Variants in PDE4D observed in about 807,000 individuals in gnomAD.
PDE4D encodes 3',5'-cyclic-AMP phosphodiesterase 4D.
PDE4D carries 24 observed loss-of-function variants against 87.4 expected under a neutral mutation model. That is an observed-to-expected ratio of 0.27 (90% CI 0.20 to 0.39). The LOEUF (loss-of-function observed/expected upper bound fraction) is 0.39, where lower values mean the gene tolerates loss of function less well. PDE4D is among the 10% of genes least tolerant of loss of function. The probability of loss-of-function intolerance (pLI) is 1.00; values close to 1 mark genes in which losing one functional copy is unlikely to be tolerated. For synonymous variants in PDE4D, 384 were observed against 383.2 expected, an observed-to-expected ratio of 1.00 and a Z score of -0.02; for missense variants, 714 against 1,041.0, an observed-to-expected ratio of 0.69 and a Z score of 4.32.
intron 1 of PDE4D, among the ~76,000 whole-genome samples, chr5:60,289,075 C>T (rs1752664116): frequency 1.3e-5 from 2 of 152,152 alleles, no homozygotes; most frequent in South Asian, 4.1e-4. Flanking sequence ...TTGAGAACAC[C>T]GTCACTACGT....
chr5:59,464,867 C>T (rs1159894394), intron 1 of PDE4D, among the ~76,000 whole-genome samples: 1 of 152,100 alleles, frequency 6.6e-6, no homozygotes, highest in African/African-American at 2.4e-5. Context: ...TTTCTATATT[C>T]TGGCAAAAGC....
intron 2 of PDE4D, among the ~76,000 whole-genome samples, chr5:59,213,855 C>T (rs550937515): frequency 6.6e-6 from 1 of 152,154 alleles, no homozygotes; most frequent in Admixed American, 6.5e-5. Context: ...TTTCCCCTAG[C>T]CTTATCATGT....
At chr5:59,964,766 A>G (rs1258650265) in intron 3 of PDE4D, among the ~76,000 whole-genome samples, 2 of 152,120 alleles carry the variant, frequency 1.3e-5, no homozygotes, top group Non-Finnish European at 2.9e-5. Flanking sequence ...CAGTAGCCAC[A>G]GTCATCTTTT....
intron 1 of PDE4D, chr5:59,314,376 G>T (rs1268569676): frequency 6.6e-6 from 1 of 152,062 alleles, no homozygotes; most frequent in Non-Finnish European, 1.5e-5. Context: ...CCTTATAATG[G>T]TAGGGCTAGG....
intron 6 of PDE4D, among the ~76,000 whole-genome samples, chr5:59,009,317 T>C (rs1322873116): frequency 6.6e-6 from 1 of 152,058 alleles, no homozygotes; most frequent in Non-Finnish European, 1.5e-5. Context: ...CCAGAAACAG[T>C]TCAGATATCA....
At chr5:59,112,256 C>T (rs1772794784) in intron 5 of PDE4D, among the ~76,000 whole-genome samples, 1 of 152,082 alleles carries the variant, frequency 6.6e-6, no homozygotes, top group Non-Finnish European at 1.5e-5. Context: ...TGGGCTGGAG[C>T]TGAGTGAATG....
At chr5:59,303,102 C>T (rs1176177551) in intron 1 of PDE4D, among the ~76,000 whole-genome samples, 1 of 152,072 alleles carries the variant, frequency 6.6e-6, no homozygotes, top group Non-Finnish European at 1.5e-5. Flanking sequence ...GGTGGTATCA[C>T]ATTTTGTGTT....
At chr5:59,268,231 T>C (rs1304642898) in intron 1 of PDE4D, among the ~76,000 whole-genome samples, 5 of 152,086 alleles carry the variant, frequency 3.3e-5, no homozygotes, top group African/African-American at 1.2e-4. Context: ...CCAATCCCCT[T>C]AGAAGGCTTA....
chr5:59,457,528 ATAC>A (rs1321333716), intron 1 of PDE4D, among the ~76,000 whole-genome samples: 1 of 152,166 alleles, frequency 6.6e-6, no homozygotes, highest in Non-Finnish European at 1.5e-5. Flanking sequence ...TCTGAACCCT[ATAC>A]TTAAGAGATG....
intron 3 of PDE4D, among the ~76,000 whole-genome samples, chr5:59,963,315 TC>T (rs1446798334): frequency 6.6e-6 from 1 of 152,050 alleles, no homozygotes; most frequent in Non-Finnish European, 1.5e-5. Flanking sequence ...TTTGATTAAT[TC>T]CCCCAAAGCT....
chr5:59,296,368 G>A (rs1346055634), intron 1 of PDE4D, among the ~76,000 whole-genome samples: 1 of 151,980 alleles, frequency 6.6e-6, no homozygotes, highest in East Asian at 1.9e-4. Context: ...TGATGAAATG[G>A]CAAGTGCCTA....
chr5:60,203,700 A>G, intron 1 of PDE4D, among the ~76,000 whole-genome samples: 1 of 152,230 alleles, frequency 6.6e-6, no homozygotes, highest in South Asian at 2.1e-4. Flanking sequence ...GGTGGAAAGA[A>G]TGATCATGAA....
chr5:60,088,270 T>C (rs1480984627), intron 2 of PDE4D, among the ~76,000 whole-genome samples: 2 of 149,168 alleles, frequency 1.3e-5, no homozygotes, highest in Non-Finnish European at 3.0e-5. Context: ...TTCTTCAATC[T>C]GAAAAAAAAA....
chr5:59,221,800 G>A lies in PDE4D; in HGVS notation c.456-5832C>T, dbSNP rs1170347661. On this transcript the variant is annotated intron_variant, in intron 1 of 14. Transcript: ENST00000340635. ...TTTGGAATTAAGGAAGGGTCAGTGG[G>A]TCTGCAAAAGGGCTTAGCAAATGGA... is the stretch of plus-strand genomic sequence containing the variant. 2.0e-5 allele frequency among the ~76,000 whole-genome samples: 3 copies of A among 152,174 alleles called. 1 individual carries two copies. The highest frequency in any genetic ancestry group is 3.9e-4 in the East Asian group (2 of 5,192).
At chr5:59,215,570 T>C in intron 2 of PDE4D, 1 of 547,896 alleles carries the variant, frequency 1.8e-6, no homozygotes, top group Non-Finnish European at 3.3e-6. Context: ...TGTGTGTGTG[T>C]GTGTGTGTGT....
chr5:60,120,814 CTGAG>C (rs1325758187), intron 2 of PDE4D, among the ~76,000 whole-genome samples: 2 of 152,164 alleles, frequency 1.3e-5, no homozygotes, highest in Non-Finnish European at 2.9e-5. Context: ...ATAGTTAACA[CTGAG>C]TGTCAACTTG....
intron 1 of PDE4D, among the ~76,000 whole-genome samples, chr5:60,469,259 C>T (rs1381068727): frequency 6.6e-6 from 1 of 152,060 alleles, no homozygotes; most frequent in Non-Finnish European, 1.5e-5. Flanking sequence ...TTCTTAAGCC[C>T]TTACTTTTCT....
At chr5:59,458,497 C>T (rs1274621104) in intron 1 of PDE4D, among the ~76,000 whole-genome samples, 1 of 152,200 alleles carries the variant, frequency 6.6e-6, no homozygotes, top group Admixed American at 6.5e-5. Flanking sequence ...GTAGGCGCTA[C>T]TTGCCTGCTT....
At chr5:60,416,771 C>T (rs1009558642) in intron 1 of PDE4D, among the ~76,000 whole-genome samples, 1 of 152,254 alleles carries the variant, frequency 6.6e-6, no homozygotes, top group Admixed American at 6.5e-5. Context: ...ATATCCAAGA[C>T]TCTGGGGCTT....
Sources: gnomAD v4.1 joint callset for allele counts (sites outside exome capture counted in the v4.1 genomes callset) on GRCh38, gnomAD v4.1.1 for gene constraint, MANE v1.5 for transcripts, NCBI Gene and HGNC (gene_info 2026-07-23, HGNC 2026-07-21) for gene names.